Variants in CA10 observed in about 807,000 individuals in gnomAD.
The protein encoded by CA10 is carbonic anhydrase 10 (inactive).
CA10 carries 14 observed loss-of-function variants against 44.2 expected under a neutral mutation model. The observed-to-expected ratio is 0.32, with a 90% CI of 0.21 to 0.50. CA10 has a LOEUF of 0.50. CA10 is among the 20% of genes least tolerant of loss of function. CA10 has a pLI of 0.99. For missense variants in CA10, 350 were observed against 409.7 expected, an observed-to-expected ratio of 0.85 and a Z score of 1.26; for synonymous variants, 159 against 141.6, an observed-to-expected ratio of 1.12 and a Z score of -0.87.
chr17:51,681,059 A>G (rs1358274752), intron 4 of CA10, among the ~76,000 whole-genome samples: 1 of 152,226 alleles, frequency 6.6e-6, no homozygotes, highest in East Asian at 1.9e-4. Flanking sequence ...TTTATTCACA[A>G]CCAGTCTTCC....
intron 2 of CA10, among the ~76,000 whole-genome samples, chr17:51,982,572 C>CA (rs1442778007): frequency 1.3e-5 from 2 of 151,892 alleles, no homozygotes; most frequent in Non-Finnish European, 2.9e-5. Flanking sequence ...TTTGTAACTG[C>CA]AAAGACCATT....
intron 3 of CA10, among the ~76,000 whole-genome samples, chr17:51,839,309 G>A (rs924483597): frequency 4.6e-5 from 7 of 151,894 alleles, no homozygotes; most frequent in Non-Finnish European, 7.4e-5. Context: ...TGGCTAACAC[G>A]GTGAAACCCC....
chr17:52,139,466 T>TTC (rs1422755010), intron 1 of CA10, among the ~76,000 whole-genome samples: 2,455 of 147,866 alleles, frequency 0.017, 73 homozygotes, highest in African/African-American at 0.058. Context: ...TTTTTTTTTT[T>TTC]CGAAATAATG....
At chr17:52,138,835 A>G (rs1401693062) in intron 1 of CA10, among the ~76,000 whole-genome samples, 2 of 152,178 alleles carry the variant, frequency 1.3e-5, no homozygotes, top group Non-Finnish European at 2.9e-5. Context: ...GTGCTTTAAT[A>G]AAAAATTTTT....
intron 3 of CA10, among the ~76,000 whole-genome samples, chr17:51,929,745 A>C (rs576049706): frequency 1.3e-5 from 2 of 152,280 alleles, no homozygotes; most frequent in Admixed American, 6.5e-5. Context: ...AGCCATGACA[A>C]GCTCCTTGCA....
intron 4 of CA10, among the ~76,000 whole-genome samples, chr17:51,680,072 A>C (rs188627049): frequency 4.8e-4 from 73 of 152,316 alleles, no homozygotes; most frequent in Admixed American, 7.8e-4. Flanking sequence ...CACGAAGCCT[A>C]ACATGTTTAC....
intron 3 of CA10, among the ~76,000 whole-genome samples, chr17:51,819,490 C>T (rs188960320): frequency 2.0e-5 from 3 of 152,300 alleles, no homozygotes; most frequent in East Asian, 1.9e-4. Context: ...GTCACAGGCT[C>T]GCTGGCTTAC....
chr17:51,821,672 T>C (rs982317341), intron 3 of CA10, among the ~76,000 whole-genome samples: 2 of 152,044 alleles, frequency 1.3e-5, no homozygotes, highest in African/African-American at 4.8e-5. Flanking sequence ...TGGCTTCTCA[T>C]TTCACTCAGT....
intron 3 of CA10, among the ~76,000 whole-genome samples, chr17:51,871,687 C>T (rs1192897370): frequency 2.0e-5 from 3 of 151,734 alleles, no homozygotes; most frequent in Non-Finnish European, 4.4e-5. Context: ...GCCAGCCCTT[C>T]CTTCTTCTTT....
At chr17:51,945,904 T>A (rs1046175419) in intron 2 of CA10, among the ~76,000 whole-genome samples, 2 of 151,926 alleles carry the variant, frequency 1.3e-5, no homozygotes, top group Admixed American at 6.6e-5. Flanking sequence ...TTAGGAAAGG[T>A]GGGAATGATG....
chr17:52,115,746 C>T (rs185855804), intron 1 of CA10, among the ~76,000 whole-genome samples: 27 of 152,320 alleles, frequency 1.8e-4, no homozygotes, highest in African/African-American at 4.6e-4. Context: ...TGCCATGCAC[C>T]GGGAGTCTTC....
intron 3 of CA10, among the ~76,000 whole-genome samples, chr17:51,901,228 C>T (rs73989468): frequency 0.098 from 14,932 of 151,718 alleles, 919 homozygotes; most frequent in African/African-American, 0.18. Context: ...TGTTTGATTG[C>T]GGTATAAAGT....
At chr17:52,011,081 C>A (rs1296372699) in intron 2 of CA10, among the ~76,000 whole-genome samples, 1 of 151,820 alleles carries the variant, frequency 6.6e-6, no homozygotes, top group African/African-American at 2.4e-5. Flanking sequence ...CCTTCTGAGC[C>A]TTACTTTCTA....
chr17:51,707,011 A>C (rs1915783321), intron 4 of CA10, among the ~76,000 whole-genome samples: 1 of 151,962 alleles, frequency 6.6e-6, no homozygotes, highest in Non-Finnish European at 1.5e-5. Flanking sequence ...TCACTATTTG[A>C]TCCTTATATA....
intron 2 of CA10, among the ~76,000 whole-genome samples, chr17:52,066,110 A>G (rs887499727): frequency 6.6e-6 from 1 of 152,202 alleles, no homozygotes; most frequent in Admixed American, 6.5e-5. Context: ...AACCAGTCTC[A>G]GGCAGTTCTT....
chr17:52,073,131 C>G (rs371184038), intron 1 of CA10, among the ~76,000 whole-genome samples: 5 of 152,298 alleles, frequency 3.3e-5, no homozygotes, highest in South Asian at 4.1e-4. Flanking sequence ...ATTCATATTT[C>G]AATTCCCAGA....
At chr17:51,734,657 G>T (rs4411539) in intron 4 of CA10, among the ~76,000 whole-genome samples, 58,934 of 151,930 alleles carry the variant, frequency 0.39, 12,137 homozygotes, top group Middle Eastern at 0.5. Context: ...GCAGGGAAGG[G>T]CACCACCTGG....
chr17:51,797,850 C>CA (rs58344941), intron 3 of CA10, among the ~76,000 whole-genome samples: 899 of 73,672 alleles, frequency 0.012, 41 homozygotes, highest in African/African-American at 0.024. Flanking sequence ...GGCTCCATCT[C>CA]AAAAAAAAAA....
intron 3 of CA10, among the ~76,000 whole-genome samples, chr17:51,775,753 T>C (rs1320691475): frequency 6.6e-6 from 1 of 152,112 alleles, no homozygotes; most frequent in Admixed American, 6.6e-5. Context: ...AAGTTGAAGG[T>C]TGTTTTCTCT....
Sources: gnomAD v4.1 joint callset for allele counts (sites outside exome capture counted in the v4.1 genomes callset) on GRCh38, gnomAD v4.1.1 for gene constraint, MANE v1.5 for transcripts, NCBI Gene and HGNC (gene_info 2026-07-23, HGNC 2026-07-21) for gene names.